MBD5: variants seen among roughly 807,000 people sequenced by gnomAD.
The protein encoded by MBD5 is methyl-CpG binding domain protein 5, also known as methyl-CpG-binding domain protein 5.
In MBD5, 13 loss-of-function variants were observed where a neutral mutation model predicts 117.3. That is an observed-to-expected ratio of 0.11 (90% CI 0.07 to 0.18). The LOEUF is 0.18. Among genes scored for constraint, MBD5 ranks in the 10% least tolerant of loss-of-function variants. The pLI, the probability that MBD5 is intolerant of heterozygous loss-of-function variation, is 1.00. For synonymous variants in MBD5, 727 were observed against 766.4 expected, an observed-to-expected ratio of 0.95 and a Z score of 0.85; for missense variants, 1,879 against 2,093.8, an observed-to-expected ratio of 0.90 and a Z score of 2.00.
intron 1 of MBD5, among the ~76,000 whole-genome samples, chr2:148,088,761 A>G (rs1040511446): frequency 9.2e-5 from 14 of 152,178 alleles, no homozygotes; most frequent in African/African-American, 3.4e-4. Context: ...ACCTTCTTAA[A>G]GCATAAATCT....
chr2:148,372,603 T>C (rs1384622159), intron 4 of MBD5, among the ~76,000 whole-genome samples: 19 of 151,912 alleles, frequency 1.3e-4, no homozygotes, highest in Admixed American at 1.2e-3. Context: ...CATTATGATA[T>C]GTTGTTTGAG....
At chr2:148,268,273 T>G (rs1700906113) in intron 3 of MBD5, among the ~76,000 whole-genome samples, 1 of 151,844 alleles carries the variant, frequency 6.6e-6, no homozygotes, top group South Asian at 2.1e-4. Context: ...TATAGCCTGG[T>G]CTCCCTAAAC....
intron 3 of MBD5, among the ~76,000 whole-genome samples, chr2:148,237,805 C>T (rs1700122681): frequency 6.6e-6 from 1 of 152,030 alleles, no homozygotes; most frequent in South Asian, 2.1e-4. Context: ...ATGAGGTATG[C>T]CTACATTTAA....
intron 4 of MBD5, among the ~76,000 whole-genome samples, chr2:148,380,435 T>C (rs1043766826): frequency 6.6e-6 from 1 of 152,114 alleles, no homozygotes; most frequent in African/African-American, 2.4e-5. Context: ...CATTCTCTGA[T>C]AAATAAAAGA....
rs879643749 is a variant in MBD5 at position 148,427,288 on chromosome 2, C to A, written c.-556-30915C>A. Reference sequence around the variant, plus strand: ...AACTAGAAACACCATTCGACCCAGCCATCCCATTACTGGGTATATACCCAA... The same window carrying A: ...AACTAGAAACACCATTCGACCCAGCAATCCCATTACTGGGTATATACCCAA... On this transcript the variant is annotated intron_variant, in intron 4 of 13. Coordinates refer to ENST00000642680, the MANE Select transcript of MBD5 (RefSeq NM_001378120.1). Among the ~76,000 whole-genome samples, 37 of 152,116 alleles carry A rather than the reference C, an allele frequency of 2.4e-4. 1 individual carries two copies. Among genetic ancestry groups the A allele is most frequent in the Non-Finnish European group, 4.6e-4 (31 of 68,034 alleles).
intron 3 of MBD5, among the ~76,000 whole-genome samples, chr2:148,265,743 C>A (rs1422679090): frequency 6.6e-6 from 1 of 151,944 alleles, no homozygotes; most frequent in Admixed American, 6.6e-5. Context: ...TTTTGTGTTG[C>A]AAATTTGATA....
chr2:148,402,221 A>T (rs1214597120), intron 4 of MBD5, among the ~76,000 whole-genome samples: 1 of 151,996 alleles, frequency 6.6e-6, no homozygotes, highest in Non-Finnish European at 1.5e-5. Context: ...ACTTTCACTT[A>T]CTATTTTTTA....
chr2:148,323,215 T>C (rs1004175325), intron 3 of MBD5, among the ~76,000 whole-genome samples: 2 of 152,172 alleles, frequency 1.3e-5, no homozygotes, highest in Non-Finnish European at 2.9e-5. Context: ...ATGGTGTATA[T>C]GTGCCACATT....
chr2:148,288,606 C>T (rs1281991491), intron 3 of MBD5, among the ~76,000 whole-genome samples: 1 of 151,576 alleles, frequency 6.6e-6, no homozygotes, highest in East Asian at 1.9e-4. Context: ...AATAGATGCT[C>T]CAAAAACAAA....
chr2:148,173,492 T>G (rs545824858), intron 1 of MBD5, among the ~76,000 whole-genome samples: 1 of 151,826 alleles, frequency 6.6e-6, no homozygotes, highest in African/African-American at 2.4e-5. Flanking sequence ...TGGGCCAGTA[T>G]CATGAGCTGA....
rs138340227 is a variant in MBD5, at chr2:148,515,350, G to A, written c.*2409G>A. 6.6e-6 allele frequency: 1 copy of A among 152,252 alleles called. No individual in the cohort carries two copies. Among genetic ancestry groups the A allele is most frequent in the Non-Finnish European group, 1.5e-5 (1 of 68,010 alleles). 9.4% of individuals were successfully genotyped at this position (152,252 alleles called of 1,614,324 possible). On this transcript the variant is annotated 3_prime_UTR_variant, in exon 14 of 14. Coordinates refer to ENST00000642680, the MANE Select transcript of MBD5 (RefSeq NM_001378120.1). Reference sequence around the variant, plus strand: ...CCATGTAAAGTATGTTTGTGCCCATGATTTCACTGGTTGCTATGGCTTTGA... The same window carrying A: ...CCATGTAAAGTATGTTTGTGCCCATAATTTCACTGGTTGCTATGGCTTTGA...
At chr2:148,271,035 TC>T (rs1192157271) in intron 3 of MBD5, among the ~76,000 whole-genome samples, 4 of 152,214 alleles carry the variant, frequency 2.6e-5, no homozygotes, top group Non-Finnish European at 4.4e-5. Context: ...GCCTCATATC[TC>T]ATATCTCACT....
At position 148,513,743 on chromosome 2, in the gene MBD5, T is replaced by C. The variant is rs996823690; in HGVS notation, c.*802T>C. ...TTTTTACCTAAGTTTTAAAATAGAA[T>C]AGGTTTTATAAAAAAAAATCTTAGA... On this transcript the variant is annotated 3_prime_UTR_variant, in exon 14 of 14. Transcript: ENST00000642680. 6.6e-6 allele frequency: 1 copy of C among 152,174 alleles called. No individual in the cohort carries two copies. The highest frequency in any genetic ancestry group is 1.5e-5 in the Non-Finnish European group (1 of 68,018). 9.4% of individuals were successfully genotyped at this position (152,174 alleles called of 1,614,324 possible).
At position 148,231,072 on chromosome 2, in the gene MBD5, C is replaced by A. The variant is rs576816363; in HGVS notation, c.-830-2173C>A. Among the ~76,000 whole-genome samples the A allele has an allele frequency of 3.9e-5, 6 of 152,196 alleles. No homozygotes were observed. In the South Asian group the frequency reaches 1.0e-3, roughly 26 times the overall value. ...GGCTGGTGTCTCAGTAAGTCACATA[C>A]CCCCCTCCTCCAGTCCACTGTCTCT... On this transcript the variant is annotated intron_variant, in intron 2 of 13. Transcript: ENST00000642680.
chr2:148,500,423 C>T lies in MBD5; in HGVS notation c.4963-2013C>T, dbSNP rs557508727. Among the ~76,000 whole-genome samples, 7 of 151,784 alleles carry T rather than the reference C, an allele frequency of 4.6e-5. No homozygotes were observed. In the East Asian group the frequency reaches 5.8e-4, roughly 13 times the overall value. ...TTCTGGTCACGTTATTTAAATGCAC[C>T]GAGTCCCATCTGTAATAACATAAAA... On this transcript the variant is annotated intron_variant, in intron 11 of 13. Transcript: ENST00000642680.
At chr2:148,040,967 G>T (rs1203912339) in intron 1 of MBD5, among the ~76,000 whole-genome samples, 1 of 152,002 alleles carries the variant, frequency 6.6e-6, no homozygotes, top group Non-Finnish European at 1.5e-5. Context: ...AGTTTTGTTT[G>T]TTTGTTTGTT....
At chr2:148,475,487 G>C (rs12469218) in intron 8 of MBD5, among the ~76,000 whole-genome samples, 1 of 151,882 alleles carries the variant, frequency 6.6e-6, no homozygotes, top group African/African-American at 2.4e-5. Context: ...AATATGTTCA[G>C]CTGTAGACGT....
chr2:148,303,885 A>G (rs1209463077), intron 3 of MBD5, among the ~76,000 whole-genome samples: 1 of 152,214 alleles, frequency 6.6e-6, no homozygotes, highest in South Asian at 2.1e-4. Flanking sequence ...ATTAGGTGTC[A>G]GAAACACTTG....
At chr2:148,357,802 A>ATTATGT (rs1464547805) in intron 4 of MBD5, among the ~76,000 whole-genome samples, 28 of 152,002 alleles carry the variant, frequency 1.8e-4, no homozygotes, top group African/African-American at 6.3e-4. Context: ...GAAATATAAA[A>ATTATGT]TTATGTTTTT....
Sources: gnomAD v4.1 joint callset for allele counts (sites outside exome capture counted in the v4.1 genomes callset) on GRCh38, gnomAD v4.1.1 for gene constraint, MANE v1.5 for transcripts, NCBI Gene and HGNC (gene_info 2026-07-23, HGNC 2026-07-21) for gene names.